PPP1R3A: variants seen among roughly 807,000 people sequenced by gnomAD.
PPP1R3A encodes the protein protein phosphatase 1 regulatory subunit 3A, also known as RG1.
In PPP1R3A, 29 loss-of-function variants were observed where a neutral mutation model predicts 41.7. The observed-to-expected ratio is 0.70, with a 90% CI of 0.52 to 0.95. The LOEUF (loss-of-function observed/expected upper bound fraction) is 0.95, where lower values mean the gene tolerates loss of function less well. PPP1R3A is among the 40% of genes least tolerant of loss of function. PPP1R3A has a pLI of 0.00. For synonymous variants in PPP1R3A, 485 were observed against 453.4 expected (o/e 1.07, Z -0.89); for missense variants, 1,352 against 1,292.4 (o/e 1.05, Z -0.71).
chr7:113,878,505 C>T lies in PPP1R3A; in HGVS notation c.2587G>A (p.Asp863Asn), dbSNP rs1796612736. The T allele has an allele frequency of 6.2e-7, 1 of 1,613,182 alleles. No homozygotes were observed. Among genetic ancestry groups the T allele is most frequent in the African/African-American group, 1.3e-5 (1 of 74,858 alleles). Residue 863 changes from aspartate to asparagine, a missense_variant, in exon 4 of 4, where the codon GAT becomes AAT. Asp to Asn is a conservative substitution (Grantham distance 23, BLOSUM62 1). Coordinates refer to ENST00000284601, the MANE Select transcript of PPP1R3A (RefSeq NM_002711.4). The stretch of plus-strand genomic sequence containing the variant: ...GTTGGTAACATTCCCAACTGTAAAT[C>T]CAGTTTTGAAGTTGCTTTTTGATAT... ...TEYQKATSKLDLQLGMLPTDK... is the reference protein window; with the variant it reads ...TEYQKATSKLNLQLGMLPTDK...
At position 113,879,709 on chromosome 7, in the gene PPP1R3A, T is replaced by C; in HGVS notation, c.1383A>G (p.Leu461=). The C allele has an allele frequency of 6.2e-7, 1 of 1,613,308 alleles. No homozygotes were observed. The change falls in exon 4 of 4, where the codon CTA becomes CTG. Residue 461 remains leucine (L), a synonymous_variant. Coordinates refer to ENST00000284601, the MANE Select transcript of PPP1R3A (RefSeq NM_002711.4). ...GTTTTTTATTAAGGTTTCCTGCCAT[T>C]AGTTGATCTGAAGAGGGGCAAGGTA... The part of the protein sequence containing the change: ...VQIPCPSSDQ[L]MAGNLNKKHE...
rs1334973614 is a variant in PPP1R3A, at chr7:113,878,217, C to A, written c.2875G>T (p.Glu959Ter). The A allele has an allele frequency of 6.2e-7, 1 of 1,613,306 alleles. No homozygotes were observed. Among genetic ancestry groups the A allele is most frequent in the South Asian group, 1.1e-5 (1 of 91,068 alleles). Residue 959 changes from glutamate to a stop codon, truncating the protein, a stop_gained, in exon 4 of 4, where the codon GAA becomes TAA. Coordinates refer to ENST00000284601, the MANE Select transcript of PPP1R3A (RefSeq NM_002711.4). LOFTEE classifies it low-confidence loss of function (END_TRUNC). Reference protein sequence around the residue: ...KSENICNSTREIQGIEKHPYP... With the variant: ...KSENICNSTR ...GGGTGCTTCTCAATACCCTGGATTT[C>A]TCTTGTTGAATTACAAATATTTTCT...
intron 1 of PPP1R3A, among the ~76,000 whole-genome samples, chr7:113,911,850 AG>A (rs1251018748): frequency 2.0e-5 from 3 of 152,080 alleles, no homozygotes; most frequent in Non-Finnish European, 4.4e-5. Context: ...GCCATACACA[AG>A]ATTGGAAAAT....
chr7:113,886,447 C>A (rs558520892), intron 1 of PPP1R3A, among the ~76,000 whole-genome samples: 6 of 152,080 alleles, frequency 3.9e-5, no homozygotes, highest in Admixed American at 6.6e-5. Context: ...TGCCTTCTGC[C>A]ATGATTGTGA....
At position 113,879,927 on chromosome 7, in the gene PPP1R3A, A is replaced by G; in HGVS notation, c.1165T>C (p.Tyr389His). 6.2e-7 allele frequency: 1 copy of G among 1,613,560 alleles called. No individual in the cohort carries two copies. Among genetic ancestry groups the G allele is most frequent in the Non-Finnish European group, 8.5e-7 (1 of 1,179,666 alleles). ...CCTGAGGAATATTTTTCATTGCAGTAAAAATCTCCCTTTACGGAGCTTTCT... is the reference window on the plus strand; with the variant it reads ...CCTGAGGAATATTTTTCATTGCAGTGAAAATCTCCCTTTACGGAGCTTTCT... ...SAESSVKGDF[Y>H]CNEKYSSGDD... The change falls in exon 4 of 4, where the codon TAC becomes CAC. Residue 389 changes from tyrosine to histidine, a missense_variant. Coordinates refer to ENST00000284601, the MANE Select transcript of PPP1R3A (RefSeq NM_002711.4).
Position 113,877,527 on chromosome 7 carries a change from T to C in PPP1R3A, c.*196A>G, listed in dbSNP as rs2129112273. The C allele has an allele frequency of 1.9e-6, 1 of 519,854 alleles. No homozygotes were observed. Among genetic ancestry groups the C allele is most frequent in the East Asian group, 3.2e-5 (1 of 31,658 alleles). 32.2% of individuals were successfully genotyped at this position (519,854 alleles called of 1,614,324 possible). Reference sequence around the variant, plus strand: ...TTCAGATCTCATATTCATATAGGTATTTAATGATCCAAACATAATGGTCCT... The same window carrying C: ...TTCAGATCTCATATTCATATAGGTACTTAATGATCCAAACATAATGGTCCT... On this transcript the variant is annotated 3_prime_UTR_variant, in exon 4 of 4. Transcript: ENST00000284601.
chr7:113,882,814 C>G (rs1483439350), intron 1 of PPP1R3A, among the ~76,000 whole-genome samples: 1 of 151,824 alleles, frequency 6.6e-6, no homozygotes, highest in African/African-American at 2.4e-5. Context: ...CATTAACTCT[C>G]TCTCCAGAAA....
chr7:113,913,207 C>T (rs1397520522), intron 1 of PPP1R3A, among the ~76,000 whole-genome samples: 3 of 152,056 alleles, frequency 2.0e-5, no homozygotes, highest in African/African-American at 7.2e-5. Context: ...TCCCAAAGGC[C>T]TCGTGGGGCT....
chr7:113,903,307 C>A (rs1002638480), intron 1 of PPP1R3A, among the ~76,000 whole-genome samples: 7 of 151,512 alleles, frequency 4.6e-5, no homozygotes, highest in African/African-American at 7.3e-5. Context: ...ATAGAAATAG[C>A]TAAAATCTGT....
rs1796642510 is a variant in PPP1R3A at position 113,879,456 on chromosome 7, C to T, written c.1636G>A (p.Gly546Ser). The change falls in exon 4 of 4, where the codon GGT (glycine) becomes AGT (serine). Residue 546 changes from glycine (G) to serine (S), a missense_variant. Physicochemically the swap from Gly to Ser is moderately conservative, Grantham distance 56 (BLOSUM62 0). Coordinates refer to ENST00000284601, the MANE Select transcript of PPP1R3A (RefSeq NM_002711.4). ...TILHDQERKM[G>S]NPKISVAGIG... ...CCTGCCACACTTATTTTAGGGTTAC[C>T]CATCTTCCTTTCTTGGTCATGTAAG... The T allele has an allele frequency of 6.2e-7, 1 of 1,613,450 alleles. No individual in the cohort carries two copies.
chr7:113,893,788 C>T (rs755464040), intron 1 of PPP1R3A, among the ~76,000 whole-genome samples: 47 of 151,992 alleles, frequency 3.1e-4, no homozygotes, highest in Admixed American at 6.6e-4. Context: ...TAAGTTAGAA[C>T]ATTGCCCAGT....
intron 1 of PPP1R3A, among the ~76,000 whole-genome samples, chr7:113,911,466 T>G (rs1364323092): frequency 6.6e-6 from 1 of 152,118 alleles, no homozygotes; most frequent in Non-Finnish European, 1.5e-5. Context: ...GAGAATTATA[T>G]AAACTTCAAT....
rs1308242599 is a variant in PPP1R3A at position 113,901,416 on chromosome 7, C to T, written c.782+16799G>A. Among the ~76,000 whole-genome samples the T allele has an allele frequency of 3.3e-5, 5 of 151,844 alleles. No homozygotes were observed. In the East Asian group the frequency reaches 7.8e-4, roughly 24 times the overall value. ...AGCAGGTTGTAGTCCAATACACAGG[C>T]ATTGCATAATTTCACTTCTATTTAA... On this transcript the variant is annotated intron_variant, in intron 1 of 3. Transcript: ENST00000284601.
chr7:113,917,280 C>A (rs535563328), intron 1 of PPP1R3A, among the ~76,000 whole-genome samples: 1 of 152,076 alleles, frequency 6.6e-6, no homozygotes, highest in African/African-American at 2.4e-5. Flanking sequence ...AGAGGATGAT[C>A]AAACATTTGC....
chr7:113,904,480 C>T (rs537093378), intron 1 of PPP1R3A, among the ~76,000 whole-genome samples: 4 of 151,836 alleles, frequency 2.6e-5, no homozygotes, highest in African/African-American at 9.6e-5. Flanking sequence ...AACAAGCTAA[C>T]TTATTCACAT....
chr7:113,916,143 C>T (rs1797338708), intron 1 of PPP1R3A, among the ~76,000 whole-genome samples: 1 of 151,864 alleles, frequency 6.6e-6, no homozygotes, highest in African/African-American at 2.4e-5. Flanking sequence ...AAATGTGGTT[C>T]GAATTATGTT....
chr7:113,906,474 G>T (rs1797148300), intron 1 of PPP1R3A, among the ~76,000 whole-genome samples: 1 of 151,700 alleles, frequency 6.6e-6, no homozygotes, highest in Non-Finnish European at 1.5e-5. Flanking sequence ...TGATGACTAT[G>T]ACTTAAACAA....
intron 1 of PPP1R3A, among the ~76,000 whole-genome samples, chr7:113,902,921 T>C (rs1797089599): frequency 6.6e-6 from 1 of 151,882 alleles, no homozygotes; most frequent in African/African-American, 2.4e-5. Flanking sequence ...ATAATATTTA[T>C]TGAATGACTG....
Position 113,918,925 on chromosome 7 carries a change from A to G in PPP1R3A, c.72T>C (p.Ser24=). 1.2e-6 allele frequency: 2 copies of G among 1,612,788 alleles called. No individual in the cohort carries two copies. The highest frequency in any genetic ancestry group is 1.7e-6 in the Non-Finnish European group (2 of 1,179,160). ...NFLEVPNLSD[S]LCEDEEVTFQ... The stretch of plus-strand genomic sequence containing the variant: ...AAGTAACTTCTTCATCTTCACAAAG[A>G]GAGTCAGATAAATTAGGAACTTCTA... The change falls in exon 1 of 4, where the codon TCT becomes TCC. Residue 24 remains serine (S), a synonymous_variant. Coordinates refer to ENST00000284601, the MANE Select transcript of PPP1R3A (RefSeq NM_002711.4).
Sources: allele counts gnomAD v4.1 joint callset (sites outside exome capture counted in the v4.1 genomes callset), GRCh38; gene constraint gnomAD v4.1.1; transcripts MANE v1.5; gene names NCBI Gene and HGNC (gene_info 2026-07-23, HGNC 2026-07-21).